Variants in BMP2K observed in about 807,000 individuals in gnomAD.
The protein encoded by BMP2K is BMP2 inducible kinase.
A neutral mutation model predicts 116.0 loss-of-function variants in BMP2K; 74 were observed. The ratio of observed to expected loss-of-function variants is 0.64; its 90% CI spans 0.53 to 0.77. The LOEUF is 0.77. BMP2K is among the 30% of genes least tolerant of loss of function. BMP2K has a pLI of 0.00. For synonymous variants in BMP2K, 486 were observed against 502.5 expected (o/e 0.97, Z 0.44); for missense variants, 1,365 against 1,403.6 (o/e 0.97, Z 0.44).
At chr4:78,845,164 A>G in intron 5 of BMP2K, 115 bp downstream of exon 5, 1 of 936,458 alleles carries the variant, frequency 1.1e-6, no homozygotes, top group South Asian at 1.6e-5. Context: ...TCTTTGAAAT[A>G]TTTCTGTGCC....
intron 2 of BMP2K, among the ~76,000 whole-genome samples, chr4:78,828,642 G>A (rs1284981160): frequency 6.6e-6 from 1 of 152,154 alleles, no homozygotes; most frequent in South Asian, 2.1e-4. Context: ...CTGTGACTAG[G>A]GCTTTGGGAG....
intron 1 of BMP2K, among the ~76,000 whole-genome samples, chr4:78,791,921 T>C (rs1728021781): frequency 6.6e-6 from 1 of 152,254 alleles, no homozygotes. Context: ...AATATGTATA[T>C]GTTTGAGTCC....
At position 78,915,738 on chromosome 4, in the gene BMP2K, G is replaced by C. The variant is rs1337386465; in HGVS notation, c.*3705G>C. ...ATCTAAGAGAACATTCACTCCTAGT[G>C]AGGGTTTACAAAAGCTACTAAGAGA... On this transcript the variant is annotated 3_prime_UTR_variant, in exon 16 of 16. Coordinates refer to ENST00000502613, the MANE Select transcript of BMP2K (RefSeq NM_198892.2). 1.3e-5 allele frequency: 2 copies of C among 151,966 alleles called. No individual in the cohort carries two copies. The allele number at this position is 151,966 out of a possible 1,614,324, so 9.4% of individuals were successfully genotyped here.
intron 7 of BMP2K, among the ~76,000 whole-genome samples, chr4:78,857,970 C>G (rs1326013061): frequency 1.3e-5 from 2 of 151,946 alleles, no homozygotes; most frequent in Non-Finnish European, 2.9e-5. Context: ...CTGTCCATCT[C>G]AACCCCCAAG....
intron 1 of BMP2K, among the ~76,000 whole-genome samples, chr4:78,802,677 T>C (rs1389689488): frequency 6.6e-6 from 1 of 152,204 alleles, no homozygotes; most frequent in Non-Finnish European, 1.5e-5. Flanking sequence ...TATAGCCAAA[T>C]GTTTACTGGT....
chr4:78,847,990 G>A (rs1731089061), intron 6 of BMP2K, among the ~76,000 whole-genome samples: 1 of 151,606 alleles, frequency 6.6e-6, no homozygotes, highest in Admixed American at 6.6e-5. Flanking sequence ...TCTAGGGTTT[G>A]TAGAAAAGGT....
At chr4:78,825,988 G>T (rs771306618) in intron 1 of BMP2K, 49 bp from the exon 2 acceptor site, 56 of 1,321,152 alleles carry the variant, frequency 4.2e-5, no homozygotes, top group Non-Finnish European at 6.1e-5. Context: ...ACATGATTTT[G>T]GCATTTGTTT....
intron 6 of BMP2K, 26 bp downstream of exon 6, chr4:78,847,295 G>C: frequency 6.6e-7 from 1 of 1,508,786 alleles, no homozygotes; most frequent in Non-Finnish European, 8.9e-7. Context: ...GCTGGAACTT[G>C]CTCTAACCAA....
intron 10 of BMP2K, among the ~76,000 whole-genome samples, chr4:78,868,322 T>C (rs776174848): frequency 2.6e-5 from 4 of 152,060 alleles, no homozygotes; most frequent in Non-Finnish European, 4.4e-5. Context: ...ATGAGACTTA[T>C]TCACTATCAC....
chr4:78,906,482 G>T (rs1252981817), intron 15 of BMP2K, among the ~76,000 whole-genome samples: 1 of 152,076 alleles, frequency 6.6e-6, no homozygotes, highest in Non-Finnish European at 1.5e-5. Context: ...GTCTTTTCTT[G>T]CTCTTTTTGA....
intron 2 of BMP2K, among the ~76,000 whole-genome samples, chr4:78,829,184 T>C (rs191801019): frequency 9.2e-5 from 14 of 152,214 alleles, no homozygotes; most frequent in Admixed American, 4.6e-4. Flanking sequence ...TCTTTCAGAA[T>C]TGGAGGCAAT....
chr4:78,867,187 A>T (rs947345476), intron 10 of BMP2K, among the ~76,000 whole-genome samples: 1 of 152,238 alleles, frequency 6.6e-6, no homozygotes, highest in African/African-American at 2.4e-5. Flanking sequence ...AAAAAAAGAA[A>T]AAAAGAAAAA....
At chr4:78,787,002 C>T (rs570492205) in intron 1 of BMP2K, among the ~76,000 whole-genome samples, 2 of 152,130 alleles carry the variant, frequency 1.3e-5, no homozygotes, top group Non-Finnish European at 2.9e-5. Context: ...GGTCCTCCTG[C>T]TTTGGCCTCC....
intron 6 of BMP2K, among the ~76,000 whole-genome samples, chr4:78,848,696 T>C (rs1039244226): frequency 6.6e-6 from 1 of 151,406 alleles, no homozygotes; most frequent in Non-Finnish European, 1.5e-5. Flanking sequence ...TGAGGTAGCA[T>C]ACTAAATTGT....
chr4:78,881,570 T>C (rs1171111315), intron 14 of BMP2K, among the ~76,000 whole-genome samples: 2 of 152,094 alleles, frequency 1.3e-5, no homozygotes, highest in Non-Finnish European at 2.9e-5. Flanking sequence ...TCTCAGAGTT[T>C]AACTTAACTG....
rs1231968715 is a variant in BMP2K, at chr4:78,845,000, C to G, written c.619C>G (p.Leu207Val). 5.0e-6 allele frequency: 8 copies of G among 1,592,610 alleles called. No homozygotes were observed. The highest frequency in any genetic ancestry group is 6.9e-6 in the Non-Finnish European group (8 of 1,162,302). The change falls in exon 5 of 16, where the codon CTT (leucine) becomes GTT (valine). Residue 207 changes from leucine (L) to valine (V), a missense_variant. Around this residue, in one of 3 missense-constraint regions of BMP2K, gnomAD observed 762 missense variants for 756.7 expected, o/e 1.01. Coordinates refer to ENST00000502613, the MANE Select transcript of BMP2K (RefSeq NM_198892.2). ...CDFGSATNKFLNPQKDGVNVV... is the reference protein window; with the variant it reads ...CDFGSATNKFVNPQKDGVNVV... ...CTTTGGCAGTGCCACTAATAAATTT[C>G]TTAATCCTCAAAAAGATGGAGTTAA...
intron 3 of BMP2K, among the ~76,000 whole-genome samples, chr4:78,837,809 A>T (rs1397879825): frequency 1.3e-5 from 2 of 152,024 alleles, no homozygotes; most frequent in East Asian, 3.9e-4. Context: ...CCAATTTCTT[A>T]ATTTTTAATT....
chr4:78,911,157 G>A lies in BMP2K; in HGVS notation c.2610G>A (p.Gln870=). 6.2e-7 allele frequency: 1 copy of A among 1,613,832 alleles called. No individual in the cohort carries two copies. Among genetic ancestry groups the A allele is most frequent in the Non-Finnish European group, 8.5e-7 (1 of 1,179,828 alleles). Reference sequence around the variant, plus strand: ...CCTTCTTTGCAGTGCGTGCTCAACAGCCCCAGCAAGAAAAGAATGAAAAGA... The same window carrying A: ...CCTTCTTTGCAGTGCGTGCTCAACAACCCCAGCAAGAAAAGAATGAAAAGA... ...AVPFFAVRAQ[Q]PQQEKNEKNL... is the part of the protein sequence containing the mutation. The change falls in exon 16 of 16, where the codon CAG becomes CAA. Residue 870 remains glutamine (Q), a synonymous_variant. Coordinates refer to ENST00000502613, the MANE Select transcript of BMP2K (RefSeq NM_198892.2).
At chr4:78,908,752 T>A (rs991983445) in intron 15 of BMP2K, among the ~76,000 whole-genome samples, 1 of 152,194 alleles carries the variant, frequency 6.6e-6, no homozygotes, top group South Asian at 2.1e-4. Flanking sequence ...TTTTAAAAAA[T>A]TATGCTCATT....
Sources: allele counts gnomAD v4.1 joint callset (sites outside exome capture counted in the v4.1 genomes callset), GRCh38; gene constraint gnomAD v4.1.1; regional missense constraint gnomAD v4.1.1; transcripts MANE v1.5; gene names NCBI Gene and HGNC (gene_info 2026-07-23, HGNC 2026-07-21).